LRRC4C: variants seen among roughly 807,000 people sequenced by gnomAD.
LRRC4C encodes leucine rich repeat containing 4C, also known as leucine-rich repeat-containing protein 4C.
Under a neutral mutation model 33.6 loss-of-function variants are expected in LRRC4C, and 5 were observed. That is an observed-to-expected ratio of 0.15 (90% CI 0.08 to 0.31). LRRC4C has a LOEUF of 0.31. Among genes scored for constraint, LRRC4C ranks in the 10% least tolerant of loss-of-function variants. LRRC4C has a pLI of 1.00. For missense variants in LRRC4C, 560 were observed against 796.7 expected (o/e 0.70, Z 3.58); for synonymous variants, 329 against 302.0 (o/e 1.09, Z -0.93).
intron 1 of LRRC4C, among the ~76,000 whole-genome samples, chr11:41,335,339 G>A (rs1951420040): frequency 6.6e-6 from 1 of 152,096 alleles, no homozygotes; most frequent in Non-Finnish European, 1.5e-5. Flanking sequence ...GAGTTTAAGG[G>A]AAAGAATTTC....
chr11:40,401,255 T>C (rs1023582085), intron 3 of LRRC4C, among the ~76,000 whole-genome samples: 13 of 151,384 alleles, frequency 8.6e-5, no homozygotes, highest in African/African-American at 3.2e-4. Context: ...CTCTCTCTCT[T>C]TCCCTCTCTT....
At chr11:41,015,382 G>A (rs1341010505) in intron 1 of LRRC4C, among the ~76,000 whole-genome samples, 5 of 152,236 alleles carry the variant, frequency 3.3e-5, no homozygotes, top group African/African-American at 1.2e-4. Context: ...AGGCTGGAGT[G>A]TGGTGGCACA....
chr11:40,545,498 T>C (rs930920425), intron 3 of LRRC4C, among the ~76,000 whole-genome samples: 4 of 151,926 alleles, frequency 2.6e-5, no homozygotes, highest in African/African-American at 9.7e-5. Flanking sequence ...AGGAAATTGA[T>C]AGCTGGAAGG....
chr11:40,687,742 A>G (rs1945030577), intron 2 of LRRC4C, among the ~76,000 whole-genome samples: 1 of 152,134 alleles, frequency 6.6e-6, no homozygotes, highest in Non-Finnish European at 1.5e-5. Context: ...TTTATATTAA[A>G]TGTGATAAAA....
rs144813433 is a variant in LRRC4C at position 41,161,090 on chromosome 11, TAAAGACTC to T, written c.-495-227375_-495-227368del. Among the ~76,000 whole-genome samples, 943 of 152,266 alleles carry T rather than the reference TAAAGACTC, an allele frequency of 6.2e-3. 15 individuals are homozygous for T. The highest frequency in any genetic ancestry group is 0.022 in the African/African-American group (895 of 41,566). ...AACCATGTGTTTCCTATTTCTGTAT[TAAAGACTC>T]AAGAAAAACAAATGCCCATGATAAC... On this transcript the variant is annotated intron_variant, in intron 1 of 6. Transcript: ENST00000528697.
At chr11:41,180,215 G>C (rs1358337352) in intron 1 of LRRC4C, among the ~76,000 whole-genome samples, 1 of 152,144 alleles carries the variant, frequency 6.6e-6, no homozygotes, top group Non-Finnish European at 1.5e-5. Flanking sequence ...CAGAGGAAGA[G>C]AGCAGAAAAT....
At chr11:40,800,095 C>G (rs1220842502) in intron 2 of LRRC4C, among the ~76,000 whole-genome samples, 2 of 152,106 alleles carry the variant, frequency 1.3e-5, no homozygotes. Flanking sequence ...TTATCTAATC[C>G]TATAAATTCC....
intron 2 of LRRC4C, among the ~76,000 whole-genome samples, chr11:40,755,230 C>G (rs1408399368): frequency 6.6e-6 from 1 of 152,082 alleles, no homozygotes; most frequent in East Asian, 1.9e-4. Flanking sequence ...TCTGCCACTA[C>G]TATTTTAAAA....
chr11:41,202,813 T>A (rs996713738), intron 1 of LRRC4C, among the ~76,000 whole-genome samples: 1 of 151,302 alleles, frequency 6.6e-6, no homozygotes, highest in African/African-American at 2.4e-5. Context: ...TGAGACACAG[T>A]CTCGCTCTTT....
chr11:41,313,839 G>T (rs1306077366), intron 1 of LRRC4C, among the ~76,000 whole-genome samples: 4 of 152,050 alleles, frequency 2.6e-5, no homozygotes, highest in Non-Finnish European at 5.9e-5. Context: ...TAAAAGGAAG[G>T]TTCTCGAGGT....
chr11:40,830,701 G>A (rs1952374834), intron 2 of LRRC4C, among the ~76,000 whole-genome samples: 1 of 152,012 alleles, frequency 6.6e-6, no homozygotes, highest in South Asian at 2.1e-4. Flanking sequence ...TCATGCCGAC[G>A]TACACCATAT....
intron 2 of LRRC4C, among the ~76,000 whole-genome samples, chr11:40,696,748 G>GTATATATATATATATATATA (rs57752272): frequency 1.4e-4 from 17 of 125,880 alleles, no homozygotes; most frequent in African/African-American, 5.3e-4. Context: ...TATACACTGT[G>GTATATATATATATATATATA]TATATATATA....
chr11:40,612,872 A>AT (rs1242171022), intron 3 of LRRC4C, among the ~76,000 whole-genome samples: 1 of 151,890 alleles, frequency 6.6e-6, no homozygotes, highest in Non-Finnish European at 1.5e-5. Flanking sequence ...GAATCACACA[A>AT]TTTTGTTTTG....
intron 3 of LRRC4C, among the ~76,000 whole-genome samples, chr11:40,370,822 A>G (rs1948418210): frequency 6.6e-6 from 1 of 152,252 alleles, no homozygotes; most frequent in African/African-American, 2.4e-5. Flanking sequence ...ATAAAATAAA[A>G]TATTCCCAAA....
At chr11:40,638,226 A>C (rs1307255519) in intron 3 of LRRC4C, among the ~76,000 whole-genome samples, 1 of 152,180 alleles carries the variant, frequency 6.6e-6, no homozygotes, top group Non-Finnish European at 1.5e-5. Context: ...TCTGTCCACT[A>C]AAATATGGGT....
intron 3 of LRRC4C, among the ~76,000 whole-genome samples, chr11:40,409,261 A>G (rs1950070459): frequency 6.6e-6 from 1 of 152,030 alleles, no homozygotes; most frequent in African/African-American, 2.4e-5. Flanking sequence ...ATGAATTAAG[A>G]ACTTAAATGT....
intron 1 of LRRC4C, among the ~76,000 whole-genome samples, chr11:41,380,526 A>G (rs558819397): frequency 1.3e-5 from 2 of 152,316 alleles, no homozygotes; most frequent in African/African-American, 4.8e-5. Flanking sequence ...GTTTGTAGAA[A>G]AAAATACTTG....
intron 4 of LRRC4C, among the ~76,000 whole-genome samples, chr11:40,243,803 C>T (rs1457023196): frequency 6.7e-6 from 1 of 150,132 alleles, no homozygotes; most frequent in Non-Finnish European, 1.5e-5. Context: ...GATTCTCCTG[C>T]CTCAGCTCTT....
chr11:40,359,799 G>C (rs373599495), intron 3 of LRRC4C, among the ~76,000 whole-genome samples: 1 of 152,012 alleles, frequency 6.6e-6, no homozygotes, highest in Admixed American at 6.6e-5. Flanking sequence ...ATTTTATGCC[G>C]TCTAAAAATT....
Sources: allele counts gnomAD v4.1 joint callset (sites outside exome capture counted in the v4.1 genomes callset), GRCh38; gene constraint gnomAD v4.1.1; transcripts MANE v1.5; gene names NCBI Gene and HGNC (gene_info 2026-07-23, HGNC 2026-07-21).